The following SLC9B2 variants were observed in gnomAD, a reference collection of about 807,000 sequenced individuals.
The protein encoded by SLC9B2 is sodium/hydrogen exchanger 9B2.
Under a neutral mutation model 52.2 loss-of-function variants are expected in SLC9B2, and 39 were observed. The ratio of observed to expected loss-of-function variants is 0.75; its 90% CI spans 0.58 to 0.98. SLC9B2 has a LOEUF of 0.98. SLC9B2 is among the 50% of genes least tolerant of loss of function. SLC9B2 has a pLI of 0.00. For synonymous variants in SLC9B2, 214 were observed against 227.0 expected, an observed-to-expected ratio of 0.94 and a Z score of 0.51; for missense variants, 626 against 637.5, an observed-to-expected ratio of 0.98 and a Z score of 0.19.
downstream of SLC9B2, chr4:103,020,520 A>G (rs1741709803): frequency 3.4e-6 from 1 of 294,850 alleles, no homozygotes; most frequent in Non-Finnish European, 6.7e-6. Flanking sequence ...TTTTTGCCTC[A>G]GTGCGTTCTG....
chr4:103,058,438 C>T (rs1284031447), intron 3 of SLC9B2, among the ~76,000 whole-genome samples: 2 of 152,322 alleles, frequency 1.3e-5, no homozygotes, highest in Non-Finnish European at 2.9e-5. Context: ...CCCTCTGTAG[C>T]CCAGGCTGGA....
At chr4:103,056,047 G>C (rs981012352) in intron 4 of SLC9B2, among the ~76,000 whole-genome samples, 17 of 151,986 alleles carry the variant, frequency 1.1e-4, no homozygotes, top group African/African-American at 4.1e-4. Flanking sequence ...CTCGTGATCT[G>C]CCCGGCTTGG....
At chr4:103,046,826 T>TGCCGTACTGC (rs951137993) in intron 7 of SLC9B2, among the ~76,000 whole-genome samples, 2 of 152,098 alleles carry the variant, frequency 1.3e-5, no homozygotes, top group Non-Finnish European at 2.9e-5. Flanking sequence ...CTACCGCCCC[T>TGCCGTACTGC]GCCGTACTGC....
At chr4:103,054,716 A>G (rs184055539) in intron 4 of SLC9B2, among the ~76,000 whole-genome samples, 128 of 152,302 alleles carry the variant, frequency 8.4e-4, no homozygotes, top group Non-Finnish European at 6.3e-4. Flanking sequence ...ATTTTAGGCG[A>G]TCATTAAAAA....
Position 103,048,946 on chromosome 4 carries a change from A to G in SLC9B2, c.660T>C (p.Ala220=). 6.2e-7 allele frequency: 1 copy of G among 1,614,036 alleles called. No homozygotes were observed. Among genetic ancestry groups the G allele is most frequent in the Non-Finnish European group, 8.5e-7 (1 of 1,179,932 alleles). ...GPCIVEACTS[A]LLAHYLLGLP... Reference sequence around the variant, plus strand: ...AACCCAGCAGGTAATGGGCAAGAAGAGCAGATGTGCACGCCTCCACAATAC... The same window carrying G: ...AACCCAGCAGGTAATGGGCAAGAAGGGCAGATGTGCACGCCTCCACAATAC... The change falls in exon 6 of 12, where the codon GCT becomes GCC. Residue 220 remains alanine, a synonymous_variant. Transcript: ENST00000394785.
chr4:103,070,425 C>T (rs1356082966), intron 1 of SLC9B2, among the ~76,000 whole-genome samples: 1 of 152,054 alleles, frequency 6.6e-6, no homozygotes, highest in Non-Finnish European at 1.5e-5. Flanking sequence ...AGCCCATTAA[C>T]CCTTATTTTG....
chr4:103,056,448 A>G (rs1288585909), intron 4 of SLC9B2, among the ~76,000 whole-genome samples: 2 of 151,922 alleles, frequency 1.3e-5, no homozygotes, highest in Admixed American at 1.3e-4. Context: ...GAGTTTCACC[A>G]TGTTGGCCAG....
At chr4:103,033,096 C>T (rs964145951) in intron 9 of SLC9B2, among the ~76,000 whole-genome samples, 2 of 152,106 alleles carry the variant, frequency 1.3e-5, no homozygotes, top group African/African-American at 2.4e-5. Flanking sequence ...CAAGAACTAA[C>T]TTTGTAACAC....
rs559169442 is a variant in SLC9B2 at position 103,023,129 on chromosome 4, C to T, written c.*3241G>A. 5.9e-5 allele frequency among the ~76,000 whole-genome samples: 9 copies of T among 152,118 alleles called. No individual in the cohort carries two copies. The highest frequency in any genetic ancestry group is 1.3e-4 in the Admixed American group (2 of 15,280). ...CTAAGTGGACTAAGATCCGAACTGT[C>T]GTGTGGCAAGTAGTTTTCTGATATT... On this transcript the variant is annotated 3_prime_UTR_variant, in exon 12 of 12. Coordinates refer to ENST00000394785, the MANE Select transcript of SLC9B2 (RefSeq NM_178833.7).
chr4:103,050,931 T>G (rs1744620909), intron 4 of SLC9B2, among the ~76,000 whole-genome samples: 1 of 152,248 alleles, frequency 6.6e-6, no homozygotes, highest in Admixed American at 6.5e-5. Context: ...CTGTACTGAA[T>G]GCCTTCAGTA....
intron 4 of SLC9B2, among the ~76,000 whole-genome samples, chr4:103,053,570 G>A (rs1156250951): frequency 6.6e-6 from 1 of 152,202 alleles, no homozygotes; most frequent in Admixed American, 6.5e-5. Flanking sequence ...GCATTTTCAT[G>A]TGTCTAGAAC....
chr4:103,072,056 GTTTTTT>G lies in SLC9B2; in HGVS notation c.-43+4122_-43+4127del, dbSNP rs779979130. ...CAAAATTTTCAAGTTTGGCTTTCAT[GTTTTTT>G]TTTTTTTTTTTTTTGAGGTGGAGTT... On this transcript the variant is annotated intron_variant, in intron 1 of 11. Coordinates refer to ENST00000394785, the MANE Select transcript of SLC9B2 (RefSeq NM_178833.7). 3.8e-4 allele frequency among the ~76,000 whole-genome samples: 36 copies of G among 95,330 alleles called. 1 individual carries two copies. Among genetic ancestry groups the G allele is most frequent in the African/African-American group, 1.6e-3 (34 of 21,828 alleles). The allele number at this position is 95,330 out of a possible 152,430, so 62.5% of individuals were successfully genotyped here. A position where few individuals can be genotyped will look rare whatever the true frequency, so the allele number is the denominator to read the frequency against.
At chr4:103,034,288 C>T (rs959318991) in intron 9 of SLC9B2, among the ~76,000 whole-genome samples, 5 of 152,172 alleles carry the variant, frequency 3.3e-5, no homozygotes, top group African/African-American at 7.2e-5. Context: ...TTCCTTACAA[C>T]GTATACAAAA....
Position 103,044,924 on chromosome 4 carries a change from C to T in SLC9B2, c.962G>A (p.Gly321Glu). ...GCTTGGAAAGTACTGAATGAAAAATCCAAGAACAGATCCAGTTGCCACACC... is the reference window on the plus strand; with the variant it reads ...GCTTGGAAAGTACTGAATGAAAAATTCAAGAACAGATCCAGTTGCCACACC... ...VIGVATGSVL[G>E]FFIQYFPSRD... The change falls in exon 8 of 12, where the codon GGA becomes GAA. Residue 321 changes from glycine (G) to glutamate (E), a missense_variant. By Grantham distance (98) the Gly-to-Glu change is moderately conservative. Coordinates refer to ENST00000394785, the MANE Select transcript of SLC9B2 (RefSeq NM_178833.7). 1 of 1,613,850 alleles carries T rather than the reference C, an allele frequency of 6.2e-7. No homozygotes were observed. Among genetic ancestry groups the T allele is most frequent in the Middle Eastern group, 1.7e-4 (1 of 6,058 alleles).
intron 4 of SLC9B2, among the ~76,000 whole-genome samples, chr4:103,054,948 T>C (rs1022782669): frequency 2.6e-5 from 4 of 152,182 alleles, no homozygotes; most frequent in Admixed American, 6.5e-5. Flanking sequence ...TGTATGTTTA[T>C]TGTGGCACTA....
intron 3 of SLC9B2, among the ~76,000 whole-genome samples, chr4:103,065,180 G>A (rs199915422): frequency 8.0e-4 from 116 of 145,140 alleles, no homozygotes; most frequent in East Asian, 1.6e-3. Context: ...GTACACACAC[G>A]CACACACACA....
chr4:103,043,112 A>G (rs1006330418), intron 9 of SLC9B2, among the ~76,000 whole-genome samples, 184 bp downstream of exon 9: 1 of 152,198 alleles, frequency 6.6e-6, no homozygotes, highest in South Asian at 2.1e-4. Context: ...TAAAGACATC[A>G]AGTTATAGAT....
upstream of SLC9B2, chr4:103,077,244 A>C (rs571255638): frequency 6.6e-6 from 1 of 152,316 alleles, no homozygotes; most frequent in African/African-American, 2.4e-5. Flanking sequence ...GAAACCATTC[A>C]TTCTTGTCTC....
chr4:103,026,970 T>C (rs1742284114), intron 11 of SLC9B2, among the ~76,000 whole-genome samples: 1 of 152,160 alleles, frequency 6.6e-6, no homozygotes, highest in African/African-American at 2.4e-5. Context: ...CTTGAACTCC[T>C]GGCCTCAAGT....
Sources: gnomAD v4.1 joint callset for allele counts (sites outside exome capture counted in the v4.1 genomes callset) on GRCh38, gnomAD v4.1.1 for gene constraint, MANE v1.5 for transcripts, NCBI Gene and HGNC (gene_info 2026-07-23, HGNC 2026-07-21) for gene names.